Variants in SAMD3 observed in about 807,000 individuals in gnomAD.
The protein encoded by SAMD3 is sterile alpha motif domain containing 3.
In SAMD3, 63 loss-of-function variants were observed where a neutral mutation model predicts 58.5. The ratio of observed to expected loss-of-function variants is 1.08; its 90% CI spans 0.88 to 1.33. The LOEUF (loss-of-function observed/expected upper bound fraction) is 1.33. Ranked by LOEUF, SAMD3 falls within the 40% of genes most tolerant of loss-of-function variation. The pLI is 0.00. For synonymous variants in SAMD3, 220 were observed against 210.3 expected, an observed-to-expected ratio of 1.05 and a Z score of -0.40; for missense variants, 604 against 608.4, an observed-to-expected ratio of 0.99 and a Z score of 0.08.
intron 2 of SAMD3, among the ~76,000 whole-genome samples, chr6:130,302,588 A>G (rs1348112161): frequency 5.9e-5 from 9 of 152,180 alleles, no homozygotes; most frequent in African/African-American, 2.2e-4. Flanking sequence ...TATCTGTCCA[A>G]AGGAAAATAA....
In SAMD3 at chr6:130,303,081, C is replaced by G. The variant is rs370370274; in HGVS notation, c.-188+9897G>C. 2.5e-3 allele frequency among the ~76,000 whole-genome samples: 374 copies of G among 152,218 alleles called. 5 individuals carry two copies. The Middle Eastern group carries it at 0.041, about 17-fold the overall frequency. ...TCTATAATACAATAATACTCAGTAC[C>G]ACATATTACTGTTCCTAGAGGTGAT... On this transcript the variant is annotated intron_variant, in intron 2 of 13. Coordinates refer to the SAMD3 transcript ENST00000368134.
rs147012214 is a variant in SAMD3 at position 130,149,013 on chromosome 6, A to G, written c.1024-2832T>C. Among the ~76,000 whole-genome samples the G allele has an allele frequency of 3.8e-3, 586 of 152,362 alleles. 4 individuals carry two copies. Among genetic ancestry groups the G allele is most frequent in the Admixed American group, 5.9e-3 (90 of 15,302 alleles). On this transcript the variant is annotated intron_variant, in intron 9 of 11. Coordinates refer to ENST00000439090, the MANE Select transcript of SAMD3 (RefSeq NM_001017373.4). ...GGCACCCGTTGATCCAGAAACACCA[A>G]TAACTATATATGTAAATATTAAATA...
intron 2 of SAMD3, among the ~76,000 whole-genome samples, chr6:130,231,812 G>A (rs1432788205): frequency 2.0e-5 from 3 of 148,990 alleles, no homozygotes; most frequent in Admixed American, 6.7e-5. Context: ...ATTATAGTTT[G>A]TTTTTTTTTC....
intron 2 of SAMD3, among the ~76,000 whole-genome samples, chr6:130,248,750 T>C (rs1773642160): frequency 6.6e-6 from 1 of 152,026 alleles, no homozygotes; most frequent in South Asian, 2.1e-4. Context: ...TCCTTGAGGG[T>C]AGAAGGAAGG....
chr6:130,219,132 A>G (rs1360008275), intron 1 of SAMD3, among the ~76,000 whole-genome samples: 1 of 152,218 alleles, frequency 6.6e-6, no homozygotes, highest in African/African-American at 2.4e-5. Flanking sequence ...CGTTTTAGGA[A>G]ACATAGATAT....
intron 1 of SAMD3, among the ~76,000 whole-genome samples, chr6:130,319,030 T>A (rs1776491751): frequency 6.6e-6 from 1 of 152,116 alleles, no homozygotes; most frequent in African/African-American, 2.4e-5. Context: ...AATGACAGAT[T>A]AGGTATTGCA....
chr6:130,238,176 A>C (rs1444716161), intron 2 of SAMD3, among the ~76,000 whole-genome samples: 2 of 152,200 alleles, frequency 1.3e-5, no homozygotes, highest in Non-Finnish European at 2.9e-5. Context: ...ATTTTATAAA[A>C]TGAAATTTAT....
downstream of SAMD3, chr6:130,143,144 C>T (rs1018942006): frequency 2.6e-5 from 4 of 152,060 alleles, no homozygotes; most frequent in African/African-American, 7.2e-5. Flanking sequence ...ATCTAGCAGG[C>T]TGTTGTCATT....
intron 2 of SAMD3, among the ~76,000 whole-genome samples, chr6:130,310,235 T>C (rs1776101303): frequency 6.6e-6 from 1 of 152,228 alleles, no homozygotes; most frequent in African/African-American, 2.4e-5. Context: ...TCTGTATCTT[T>C]ATGAATATTG....
At chr6:130,244,037 A>G (rs962559134) in intron 2 of SAMD3, among the ~76,000 whole-genome samples, 1 of 152,254 alleles carries the variant, frequency 6.6e-6, no homozygotes, top group East Asian at 1.9e-4. Context: ...CAGTTTGCAA[A>G]TACAAAAAAG....
At chr6:130,214,281 G>T in intron 4 of SAMD3, 56 bp downstream of exon 4, 2 of 1,408,022 alleles carry the variant, frequency 1.4e-6, no homozygotes, top group Non-Finnish European at 1.9e-6. Flanking sequence ...TCACGCTCTA[G>T]CCATCATTGG....
intron 2 of SAMD3, among the ~76,000 whole-genome samples, chr6:130,231,586 A>C (rs1796552060): frequency 6.6e-6 from 1 of 152,194 alleles, no homozygotes; most frequent in East Asian, 1.9e-4. Flanking sequence ...AAAATAAAAA[A>C]AGTAATTTTT....
intron 2 of SAMD3, among the ~76,000 whole-genome samples, chr6:130,302,150 A>G (rs1212274635): frequency 6.6e-6 from 1 of 152,190 alleles, no homozygotes; most frequent in Non-Finnish European, 1.5e-5. Context: ...CAAACCAGAA[A>G]CAATCAATAG....
At chr6:130,189,456 T>C (rs1793329633) in intron 5 of SAMD3, among the ~76,000 whole-genome samples, 1 of 152,222 alleles carries the variant, frequency 6.6e-6, no homozygotes, top group African/African-American at 2.4e-5. Context: ...TCACCAAGTC[T>C]ATGGTATTTG....
chr6:130,276,898 C>A (rs986826226), intron 2 of SAMD3, among the ~76,000 whole-genome samples: 1 of 152,034 alleles, frequency 6.6e-6, no homozygotes. Context: ...AAATGGTTCT[C>A]GTGTGCTGAG....
intron 2 of SAMD3, among the ~76,000 whole-genome samples, chr6:130,263,749 A>T (rs1774229084): frequency 6.6e-6 from 1 of 152,138 alleles, no homozygotes; most frequent in African/African-American, 2.4e-5. Flanking sequence ...ACTTCAGAAA[A>T]GTACTTCTGT....
At position 130,361,548 on chromosome 6, in the gene SAMD3, A is replaced by G. The variant is rs555639432; in HGVS notation, c.-304+3572T>C. Reference sequence around the variant, plus strand: ...ATATTTATAAACATTTTAGAATTCAAGATGCCAAGTAGTTTTGTTCTAATT... The same window carrying G: ...ATATTTATAAACATTTTAGAATTCAGGATGCCAAGTAGTTTTGTTCTAATT... On this transcript the variant is annotated intron_variant, in intron 1 of 13. Transcript: ENST00000368134. 2.9e-4 allele frequency among the ~76,000 whole-genome samples: 44 copies of G among 152,332 alleles called. No individual in the cohort carries two copies. In the South Asian group the frequency reaches 9.1e-3, roughly 32 times the overall value.
intron 9 of SAMD3, among the ~76,000 whole-genome samples, chr6:130,149,586 T>C (rs1788950495): frequency 6.6e-6 from 1 of 152,136 alleles, no homozygotes. Flanking sequence ...CTGGAGGCCA[T>C]TGTTCTAAGC....
upstream of SAMD3, among the ~76,000 whole-genome samples, chr6:130,223,274 A>G (rs1796287623): frequency 2.6e-5 from 4 of 152,210 alleles, 1 homozygote; most frequent in Admixed American, 2.6e-4. Flanking sequence ...AGAAGGTTCT[A>G]GTGTCTTGAG....
Sources: allele counts gnomAD v4.1 joint callset (sites outside exome capture counted in the v4.1 genomes callset), GRCh38; gene constraint gnomAD v4.1.1; transcripts MANE v1.5; gene names NCBI Gene and HGNC (gene_info 2026-07-23, HGNC 2026-07-21).